Variants in NPY1R observed in about 807,000 individuals in gnomAD.
NPY1R encodes the protein neuropeptide Y receptor type 1.
In NPY1R, 10 loss-of-function variants were observed where a neutral mutation model predicts 24.1. The observed-to-expected ratio is 0.42, with a 90% confidence interval of 0.26 to 0.71. The LOEUF (loss-of-function observed/expected upper bound fraction) is 0.71. Among genes scored for constraint, NPY1R ranks in the 30% least tolerant of loss-of-function variants. The pLI is 0.28. For missense variants in NPY1R, 350 were observed against 458.0 expected (o/e 0.76, Z 2.15); for synonymous variants, 168 against 165.9 (o/e 1.01, Z -0.10).
intron 1 of NPY1R, among the ~76,000 whole-genome samples, chr4:163,326,931 T>C (rs911763601): frequency 2.0e-5 from 3 of 152,318 alleles, no homozygotes; most frequent in Admixed American, 2.0e-4. Context: ...TAAAACATAA[T>C]GGTCTATAAG....
intron 1 of NPY1R, among the ~76,000 whole-genome samples, chr4:163,338,466 G>T (rs180985976): frequency 6.6e-6 from 1 of 151,976 alleles, no homozygotes; most frequent in Admixed American, 6.6e-5. Context: ...TCCCCCGTTT[G>T]TTGCTGAGTG....
upstream of NPY1R, among the ~76,000 whole-genome samples, chr4:163,336,085 AAC>A (rs1734834357): frequency 6.6e-6 from 1 of 152,210 alleles, no homozygotes; most frequent in Admixed American, 6.5e-5. Context: ...TTGTGCAGAA[AAC>A]ACACAATACT....
At chr4:163,330,847 A>AT (rs1187925157) in intron 1 of NPY1R, 1 of 152,134 alleles carries the variant, frequency 6.6e-6, no homozygotes, top group African/African-American at 2.4e-5. Context: ...CTGCAGATAC[A>AT]TTTTTTCAAA....
Position 163,326,345 on chromosome 4 carries a change from C to T in NPY1R, c.210G>A (p.Glu70=). 6.2e-7 allele frequency: 1 copy of T among 1,614,056 alleles called. No individual in the cohort carries two copies. The highest frequency in any genetic ancestry group is 1.3e-5 in the African/African-American group (1 of 75,042). The change falls in exon 2 of 3, where the codon GAG becomes GAA. Residue 70 remains glutamate, a synonymous_variant. Transcript: ENST00000296533. ...TCAGGATGTTGGTAACATTTCTCAT[C>T]TCCTTTTGTTTCAAGATGATTATGA... The part of the protein sequence containing the change: ...ALIIIILKQK[E]MRNVTNILIV...
upstream of NPY1R, among the ~76,000 whole-genome samples, chr4:163,337,320 G>C: frequency 6.6e-6 from 1 of 152,210 alleles, no homozygotes; most frequent in East Asian, 1.9e-4. Flanking sequence ...ATATTACCCA[G>C]AAATGCCTTG....
chr4:163,326,214 T>C lies in NPY1R; in HGVS notation c.341A>G (p.Lys114Arg). 1 of 1,614,118 alleles carries C rather than the reference T, an allele frequency of 6.2e-7. No individual in the cohort carries two copies. Among genetic ancestry groups the C allele is most frequent in the Non-Finnish European group, 8.5e-7 (1 of 1,179,986 alleles). Residue 114 changes from lysine to arginine, a missense_variant, in exon 2 of 3, where the codon AAG (lysine) becomes AGG (arginine). Transcript: ENST00000296533. Reference protein sequence around the residue: ...DHWVFGEAMCKLNPFVQCVSI... With the variant: ...DHWVFGEAMCRLNPFVQCVSI... ...AACACATTGCACAAAAGGATTCAACTTACACATCGCCTCACCAAAGACCCA... is the reference window on the plus strand; with the variant it reads ...AACACATTGCACAAAAGGATTCAACCTACACATCGCCTCACCAAAGACCCA...
upstream of NPY1R, among the ~76,000 whole-genome samples, chr4:163,333,292 A>G (rs1399090608): frequency 2.0e-5 from 3 of 152,038 alleles, no homozygotes; most frequent in Non-Finnish European, 4.4e-5. Context: ...TTTCTCGGTG[A>G]TTAGTACTAC....
intron 1 of NPY1R, among the ~76,000 whole-genome samples, chr4:163,340,816 A>G (rs1053926343): frequency 2.0e-5 from 3 of 152,134 alleles, no homozygotes; most frequent in African/African-American, 7.2e-5. Flanking sequence ...ATACATCTGT[A>G]TCATATCTAT....
chr4:163,329,080 A>G (rs544987835), intron 1 of NPY1R, among the ~76,000 whole-genome samples: 2 of 152,324 alleles, frequency 1.3e-5, no homozygotes, highest in African/African-American at 2.4e-5. Context: ...GGTCATGTAT[A>G]TAGGGGAAAA....
chr4:163,336,425 T>A (rs1734841352), upstream of NPY1R, among the ~76,000 whole-genome samples: 1 of 152,164 alleles, frequency 6.6e-6, no homozygotes, highest in Non-Finnish European at 1.5e-5. Flanking sequence ...ATTCCCTTCA[T>A]ATATTCTTTT....
rs765083532 is a variant in NPY1R, at chr4:163,326,270, G to C, written c.285C>G (p.Pro95=). Residue 95 remains proline, a synonymous_variant, in exon 2 of 3, where the codon CCC becomes CCG. Coordinates refer to ENST00000296533, the MANE Select transcript of NPY1R (RefSeq NM_000909.6). ...SDLLVAIMCL[P]FTFVYTLMDH... The stretch of plus-strand genomic sequence containing the variant: ...CCATTAATGTGTAGACAAATGTAAA[G>C]GGGAGACACATGATGGCAACAAGCA... The C allele has an allele frequency of 1.9e-6, 3 of 1,614,172 alleles. No individual in the cohort carries two copies. Among genetic ancestry groups the C allele is most frequent in the Admixed American group, 3.3e-5 (2 of 60,022 alleles).
intron 1 of NPY1R, among the ~76,000 whole-genome samples, chr4:163,339,102 G>T (rs907489554): frequency 4.6e-5 from 7 of 152,242 alleles, no homozygotes; most frequent in Admixed American, 6.5e-5. Flanking sequence ...TTCCATCCAG[G>T]TGTCTCAAGT....
At chr4:163,338,461 C>A (rs10022662) in intron 1 of NPY1R, among the ~76,000 whole-genome samples, 130,952 of 152,050 alleles carry the variant, frequency 0.86, 56,894 homozygotes, top group East Asian at 0.99. Context: ...GAGGCTCCCC[C>A]GTTTGTTGCT....
chr4:163,327,568 T>C (rs2110788247), intron 1 of NPY1R, among the ~76,000 whole-genome samples: 1 of 152,304 alleles, frequency 6.6e-6, no homozygotes, highest in East Asian at 1.9e-4. Context: ...AGTTTCTATA[T>C]TGTGTGGGAG....
chr4:163,344,265 T>C (rs1351472697), intron 1 of NPY1R: 1 of 152,320 alleles, frequency 6.6e-6, no homozygotes, highest in East Asian at 1.9e-4. Flanking sequence ...CTGGGCTGAA[T>C]TCTTTCGTGC....
Position 163,325,107 on chromosome 4 carries a change from C to T in NPY1R, c.*196G>A, listed in dbSNP as rs958560765. 1.1e-5 allele frequency: 6 copies of T among 557,970 alleles called. No individual in the cohort carries two copies. Among genetic ancestry groups the T allele is most frequent in the African/African-American group, 9.4e-5 (5 of 53,052 alleles). The allele number at this position is 557,970 out of a possible 1,614,324, so 34.6% of individuals were successfully genotyped here. A position where few individuals can be genotyped will look rare whatever the true frequency, so the allele number is the denominator to read the frequency against. On this transcript the variant is annotated 3_prime_UTR_variant, in exon 3 of 3. Transcript: ENST00000296533. ...CTGGTCAAAACTATTTCCAGAAGAC[C>T]CCAAAGCCCACACCTTTTGTTCCAA...
intron 1 of NPY1R, among the ~76,000 whole-genome samples, chr4:163,342,820 T>C (rs1229735157): frequency 6.6e-6 from 1 of 152,206 alleles, no homozygotes; most frequent in African/African-American, 2.4e-5. Flanking sequence ...CACACGACTC[T>C]ACTCAGCAGG....
In NPY1R at chr4:163,325,708, G is replaced by C; in HGVS notation, c.750C>G (p.Asp250Glu). ...RRNNMMDKMR[D>E]NKYRSSETKR... is the part of the protein sequence containing the mutation. Reference sequence around the variant, plus strand: ...TGGTTTCACTGGACCTGTACTTATTGTCTCTCATCTTGTCCATCATGTTGT... The same window carrying C: ...TGGTTTCACTGGACCTGTACTTATTCTCTCTCATCTTGTCCATCATGTTGT... The change falls in exon 3 of 3, where the codon GAC becomes GAG. Residue 250 changes from aspartate to glutamate, a missense_variant. Transcript: ENST00000296533. The C allele has an allele frequency of 6.2e-7, 1 of 1,602,682 alleles. No individual in the cohort carries two copies.
intron 1 of NPY1R, among the ~76,000 whole-genome samples, chr4:163,339,787 G>A (rs1734933343): frequency 6.6e-6 from 1 of 152,104 alleles, no homozygotes; most frequent in East Asian, 1.9e-4. Context: ...ATATTCTTAT[G>A]TGTTAGCTCT....
Sources: gnomAD v4.1 joint callset for allele counts (sites outside exome capture counted in the v4.1 genomes callset) on GRCh38, gnomAD v4.1.1 for gene constraint, MANE v1.5 for transcripts, NCBI Gene and HGNC (gene_info 2026-07-23, HGNC 2026-07-21) for gene names.